Variants in MFHAS1 observed in about 807,000 individuals in gnomAD.
MFHAS1 encodes malignant fibrous histiocytoma-amplified sequence 1.
MFHAS1 carries 50 observed loss-of-function variants against 70.4 expected under a neutral mutation model. The observed-to-expected ratio is 0.71, with a 90% CI of 0.57 to 0.90. The LOEUF (loss-of-function observed/expected upper bound fraction) is 0.90. Ranked by LOEUF, MFHAS1 falls within the 40% of genes least tolerant of loss-of-function variation. The pLI, the probability that MFHAS1 is intolerant of heterozygous loss-of-function variation, is 0.00. For synonymous variants in MFHAS1, 952 were observed against 620.0 expected, an observed-to-expected ratio of 1.54 and a Z score of -7.96; for missense variants, 1,795 against 1,347.6, an observed-to-expected ratio of 1.33 and a Z score of -5.20.
At chr8:8,828,343 A>G in intron 1 of MFHAS1, among the ~76,000 whole-genome samples, 1 of 152,274 alleles carries the variant, frequency 6.6e-6, no homozygotes, top group South Asian at 2.1e-4. Context: ...CAAAGCCATC[A>G]AATACAGAAG....
chr8:8,858,271 C>T (rs1723776324), intron 1 of MFHAS1, among the ~76,000 whole-genome samples: 1 of 152,124 alleles, frequency 6.6e-6, no homozygotes, highest in Non-Finnish European at 1.5e-5. Context: ...TTATTCAGTC[C>T]TTACAAGAGC....
chr8:8,869,184 G>A (rs763145923), intron 1 of MFHAS1, among the ~76,000 whole-genome samples: 17 of 152,068 alleles, frequency 1.1e-4, no homozygotes, highest in Non-Finnish European at 1.6e-4. Context: ...CCTCCCCAAA[G>A]TTGATAATGA....
In MFHAS1 at chr8:8,892,915, G is replaced by A. The variant is rs200720299; in HGVS notation, c.144C>T (p.Leu48=). The A allele has an allele frequency of 1.3e-6, 2 of 1,560,570 alleles. No individual in the cohort carries two copies. Residue 48 remains leucine, a synonymous_variant, in exon 1 of 3, where the codon CTC becomes CTT. Transcript: ENST00000276282. The surrounding 1 kb of genome is among the most constrained non-coding windows in gnomAD (Gnocchi z 4.7). ...CGAGCTGGGGGGAGGCGGGGGACTC[G>A]AGCGCGTCGGCCCCGGCCCCGGGGC... ...GACPGAGADA[L]ESPASPQLVL...
intron 1 of MFHAS1, among the ~76,000 whole-genome samples, chr8:8,837,361 G>A (rs1807635198): frequency 6.6e-6 from 1 of 152,180 alleles, no homozygotes; most frequent in Non-Finnish European, 1.5e-5. Flanking sequence ...GAAGATGCTT[G>A]GCCAGGCGCA....
At chr8:8,843,772 C>G (rs1291674699) in intron 1 of MFHAS1, among the ~76,000 whole-genome samples, 2 of 152,136 alleles carry the variant, frequency 1.3e-5, no homozygotes, top group Admixed American at 6.5e-5. Context: ...TCAGCGAACT[C>G]ATCCCTATCT....
chr8:8,799,978 C>T (rs1312703978), intron 1 of MFHAS1, among the ~76,000 whole-genome samples: 1 of 152,196 alleles, frequency 6.6e-6, no homozygotes, highest in Non-Finnish European at 1.5e-5. Flanking sequence ...AGCTAACCAG[C>T]AGCAGACTTG....
In MFHAS1 at chr8:8,820,536, G is replaced by A. The variant is rs1181455887; in HGVS notation, c.2999-23045C>T. ...TTCCCCACCCTGCCCCTCCACCCGTGCTCACCCAAACAATTTTACGTAAGT... is the reference window on the plus strand; with the variant it reads ...TTCCCCACCCTGCCCCTCCACCCGTACTCACCCAAACAATTTTACGTAAGT... On this transcript the variant is annotated intron_variant, in intron 1 of 2. Transcript: ENST00000276282. Among the ~76,000 whole-genome samples the A allele has an allele frequency of 2.0e-5, 3 of 152,014 alleles. No individual in the cohort carries two copies. The East Asian group carries it at 5.8e-4, about 29-fold the overall frequency.
intron 1 of MFHAS1, among the ~76,000 whole-genome samples, chr8:8,839,334 G>C (rs1282320090): frequency 2.0e-5 from 3 of 152,022 alleles, no homozygotes; most frequent in African/African-American, 7.2e-5. Flanking sequence ...TTGTCTTTTT[G>C]TGAAGAAAAT....
chr8:8,870,624 C>A (rs987037099), intron 1 of MFHAS1, among the ~76,000 whole-genome samples: 3 of 152,142 alleles, frequency 2.0e-5, no homozygotes, highest in Non-Finnish European at 4.4e-5. Context: ...TGGAGACCTC[C>A]CATCCATCTA....
At chr8:8,861,578 A>C (rs1808662776) in intron 1 of MFHAS1, among the ~76,000 whole-genome samples, 1 of 152,374 alleles carries the variant, frequency 6.6e-6, no homozygotes, top group African/African-American at 2.4e-5. Flanking sequence ...TTAACAAGAT[A>C]TAATAAAGGC....
chr8:8,809,678 A>G (rs776459848), intron 1 of MFHAS1, among the ~76,000 whole-genome samples: 1 of 152,192 alleles, frequency 6.6e-6, no homozygotes, highest in Non-Finnish European at 1.5e-5. Context: ...TTGGCTAAGG[A>G]TGAGACAAGC....
chr8:8,870,082 C>CT (rs1236971705), intron 1 of MFHAS1, among the ~76,000 whole-genome samples: 4 of 152,114 alleles, frequency 2.6e-5, no homozygotes, highest in Non-Finnish European at 4.4e-5. Context: ...AACCATCAGG[C>CT]TTTAATTTAG....
At position 8,892,498 on chromosome 8, in the gene MFHAS1, G is replaced by T; in HGVS notation, c.561C>A (p.Asp187Glu). ...AGGCAGTGAGCTGGTTGTGATCCACGTCCAGGGTGCGCAGGCGGGAGAGGC... is the reference window on the plus strand; with the variant it reads ...AGGCAGTGAGCTGGTTGTGATCCACTTCCAGGGTGCGCAGGCGGGAGAGGC... Reference protein sequence around the residue: ...LSCLSRLRTLDVDHNQLTAFP... With the variant: ...LSCLSRLRTLEVDHNQLTAFP... The change falls in exon 1 of 3, where the codon GAC becomes GAA. Residue 187 changes from aspartate to glutamate, a missense_variant. Coordinates refer to ENST00000276282, the MANE Select transcript of MFHAS1 (RefSeq NM_004225.3). The surrounding 1 kb of genome is among the most constrained non-coding windows in gnomAD (Gnocchi z 4.7). 6.2e-7 allele frequency: 1 copy of T among 1,605,052 alleles called. No homozygotes were observed. Among genetic ancestry groups the T allele is most frequent in the South Asian group, 1.1e-5 (1 of 89,938 alleles).
chr8:8,891,353 A>C lies in MFHAS1; in HGVS notation c.1706T>G (p.Leu569Arg). ...ALQEKHDAEGLSRLAKVVDEA... is the reference protein window; with the variant it reads ...ALQEKHDAEGRSRLAKVVDEA... ...GTCCACCACCTTGGCCAAGCGGCTC[A>C]GTCCCTCCGCGTCGTGCTTCTCCTG... is the stretch of plus-strand genomic sequence containing the variant. Residue 569 changes from leucine to arginine, a missense_variant, in exon 1 of 3, where the codon CTG becomes CGG. Transcript: ENST00000276282. The surrounding 1 kb of genome is among the most constrained non-coding windows in gnomAD (Gnocchi z 5.4). 6.2e-7 allele frequency: 1 copy of C among 1,611,228 alleles called. No homozygotes were observed. The highest frequency in any genetic ancestry group is 8.5e-7 in the Non-Finnish European group (1 of 1,180,016).
intron 1 of MFHAS1, among the ~76,000 whole-genome samples, chr8:8,857,438 C>T (rs1260103896): frequency 6.6e-6 from 1 of 152,050 alleles, no homozygotes; most frequent in Admixed American, 6.6e-5. Flanking sequence ...CTCCATTCAG[C>T]CACTGAAATA....
intron 1 of MFHAS1, among the ~76,000 whole-genome samples, chr8:8,825,474 A>G (rs551685766): frequency 4.6e-5 from 7 of 152,282 alleles, no homozygotes; most frequent in Admixed American, 3.3e-4. Context: ...TGCCCAGCCT[A>G]AGAACAGGTA....
chr8:8,785,888 A>C lies in MFHAS1; in HGVS notation c.*134T>G. Reference sequence around the variant, plus strand: ...CCTCTTCCCCAGTCGTCCAAAAAGCACCCTGCAAGCACGCGTTGTCACTCA... The same window carrying C: ...CCTCTTCCCCAGTCGTCCAAAAAGCCCCCTGCAAGCACGCGTTGTCACTCA... On this transcript the variant is annotated 3_prime_UTR_variant, in exon 3 of 3. Transcript: ENST00000276282. The C allele has an allele frequency of 7.6e-6, 5 of 656,130 alleles. No homozygotes were observed. The highest frequency in any genetic ancestry group is 1.8e-5 in the South Asian group (1 of 55,560). The allele number at this position is 656,130 out of a possible 1,614,324, so 40.6% of individuals were successfully genotyped here.
intron 1 of MFHAS1, among the ~76,000 whole-genome samples, chr8:8,879,475 G>T (rs912553626): frequency 2.6e-5 from 4 of 152,166 alleles, no homozygotes; most frequent in African/African-American, 7.2e-5. Flanking sequence ...ATCCTCACAA[G>T]TTCTGCCTGA....
Position 8,891,285 on chromosome 8 carries a change from G to C in MFHAS1, c.1774C>G (p.His592Asp), listed in dbSNP as rs772218662. The part of the protein sequence containing the change: ...RDFELRSASP[H>D]AAYYGVSDKN... ...TCCGAAACGCCATAGTAGGCTGCGT[G>C]GGGGCTGGCAGAGCGCAGCTCGAAG... The change falls in exon 1 of 3, where the codon CAC becomes GAC. Residue 592 changes from histidine to aspartate, a missense_variant. Transcript: ENST00000276282. This position sits in a 1 kb window ranked among gnomAD's most constrained non-coding sequence, Gnocchi z 5.4. 1.2e-6 allele frequency: 2 copies of C among 1,611,712 alleles called. No homozygotes were observed. The highest frequency in any genetic ancestry group is 2.7e-5 in the African/African-American group (2 of 74,956).
Sources: allele counts gnomAD v4.1 joint callset (sites outside exome capture counted in the v4.1 genomes callset), GRCh38; gene constraint gnomAD v4.1.1; non-coding constraint Gnocchi (gnomAD v3.1); transcripts MANE v1.5; gene names NCBI Gene and HGNC (gene_info 2026-07-23, HGNC 2026-07-21).